MAST4: variants seen among roughly 807,000 people sequenced by gnomAD.
The protein encoded by MAST4 is microtubule associated serine/threonine kinase family member 4, also known as microtubule-associated serine/threonine-protein kinase 4.
MAST4 carries 89 observed loss-of-function variants against 162.7 expected under a neutral mutation model. That is an observed-to-expected ratio of 0.55 (90% CI 0.46 to 0.65). The LOEUF (loss-of-function observed/expected upper bound fraction) is 0.65. Ranked by LOEUF, MAST4 falls within the 30% of genes least tolerant of loss-of-function variation. The pLI, the probability that MAST4 is intolerant of heterozygous loss-of-function variation, is 0.00. For missense variants in MAST4, 3,153 were observed against 3,374.0 expected, an observed-to-expected ratio of 0.93 and a Z score of 1.62; for synonymous variants, 1,479 against 1,361.1, an observed-to-expected ratio of 1.09 and a Z score of -1.91.
chr5:66,997,184 T>C (rs967592150), intron 4 of MAST4, among the ~76,000 whole-genome samples: 7 of 152,060 alleles, frequency 4.6e-5, no homozygotes, highest in Non-Finnish European at 1.0e-4. Context: ...CATGTATATA[T>C]GGACACATAC....
chr5:66,861,877 T>C (rs974589521), intron 3 of MAST4, among the ~76,000 whole-genome samples: 3 of 152,238 alleles, frequency 2.0e-5, no homozygotes, highest in Non-Finnish European at 4.4e-5. Context: ...AGATTAACAC[T>C]GTTCTATTAG....
rs755533285 is a variant in MAST4, at chr5:67,165,672, G to T, written c.6493G>T (p.Ala2165Ser). 1.3e-6 allele frequency: 2 copies of T among 1,593,346 alleles called. No individual in the cohort carries two copies. Among genetic ancestry groups the T allele is most frequent in the East Asian group, 4.6e-5 (2 of 43,490 alleles). Reference sequence around the variant, plus strand: ...CCACGCTTCTGGCAGAGAGCCGGGGGCCAAGCCCAGCACTGCAGAGCCCAG... The same window carrying T: ...CCACGCTTCTGGCAGAGAGCCGGGGTCCAAGCCCAGCACTGCAGAGCCCAG... ...PSHASGREPGAKPSTAEPSSS... is the reference protein window; with the variant it reads ...PSHASGREPGSKPSTAEPSSS... Residue 2165 changes from alanine (A) to serine (S), a missense_variant, in exon 29 of 29, where the codon GCC becomes TCC. Physicochemically the swap from Ala to Ser is moderately conservative, Grantham distance 99. Coordinates refer to ENST00000403625, the MANE Select transcript of MAST4 (RefSeq NM_001164664.2).
At chr5:66,976,322 G>T (rs1262224336) in intron 4 of MAST4, among the ~76,000 whole-genome samples, 1 of 152,202 alleles carries the variant, frequency 6.6e-6, no homozygotes, top group African/African-American at 2.4e-5. Flanking sequence ...GCCCTGCTGT[G>T]AACTGCTCCA....
intron 4 of MAST4, among the ~76,000 whole-genome samples, chr5:66,914,865 C>T (rs1421820345): frequency 2.0e-5 from 3 of 152,156 alleles, no homozygotes; most frequent in Admixed American, 1.3e-4. Context: ...GTCAGGGATA[C>T]TGCTAAACAC....
At chr5:66,621,672 A>G (rs1038976864) in intron 1 of MAST4, among the ~76,000 whole-genome samples, 7 of 152,208 alleles carry the variant, frequency 4.6e-5, no homozygotes, top group African/African-American at 1.7e-4. Flanking sequence ...CAATTTATTC[A>G]TTCCTCCGTC....
Position 67,166,362 on chromosome 5 carries a change from C to T in MAST4, c.7183C>T (p.His2395Tyr). The T allele has an allele frequency of 6.2e-7, 1 of 1,610,998 alleles. No individual in the cohort carries two copies. Among genetic ancestry groups the T allele is most frequent in the South Asian group, 1.1e-5 (1 of 90,380 alleles). Reference sequence around the variant, plus strand: ...GCTCGAGGCCGGCCTTTCCTTTGTGCATAGCGAGAACCGGTTGAAAGGCGC... The same window carrying T: ...GCTCGAGGCCGGCCTTTCCTTTGTGTATAGCGAGAACCGGTTGAAAGGCGC... ...DKLEAGLSFV[H>Y]SENRLKGAER... Residue 2395 changes from histidine to tyrosine, a missense_variant, in exon 29 of 29, where the codon CAT becomes TAT. Physicochemically the swap from His to Tyr is moderately conservative, Grantham distance 83 (BLOSUM62 2). This residue lies in a region of MAST4 where 1,644 missense variants were observed against 1,495.0 expected (regional missense o/e 1.10). Transcript: ENST00000403625.
At chr5:66,780,023 G>A (rs1754782439) in intron 2 of MAST4, among the ~76,000 whole-genome samples, 1 of 152,124 alleles carries the variant, frequency 6.6e-6, no homozygotes, top group African/African-American at 2.4e-5. Context: ...AGGTACAGTG[G>A]TATTGGCCAA....
intron 1 of MAST4, among the ~76,000 whole-genome samples, chr5:66,737,499 G>C (rs1483091341): frequency 6.6e-6 from 1 of 152,164 alleles, no homozygotes; most frequent in Non-Finnish European, 1.5e-5. Flanking sequence ...GAAAAGAGGA[G>C]TACCAAGGAA....
intron 4 of MAST4, among the ~76,000 whole-genome samples, chr5:67,046,850 T>C (rs1757432670): frequency 6.6e-6 from 1 of 152,198 alleles, no homozygotes; most frequent in African/African-American, 2.4e-5. Flanking sequence ...TCATTCCCAT[T>C]ACAATTAATG....
At chr5:66,658,764 G>A (rs991215519) in intron 1 of MAST4, among the ~76,000 whole-genome samples, 8 of 152,284 alleles carry the variant, frequency 5.3e-5, no homozygotes, top group Admixed American at 5.2e-4. Context: ...GCTCACGCTT[G>A]TAATCCCAGC....
intron 2 of MAST4, among the ~76,000 whole-genome samples, chr5:66,773,603 A>G (rs1754454867): frequency 1.3e-5 from 2 of 152,220 alleles, no homozygotes; most frequent in Admixed American, 1.3e-4. Flanking sequence ...TAGGGCCTTT[A>G]AGAGATGATT....
At chr5:67,113,130 G>T (rs530086272) in intron 11 of MAST4, among the ~76,000 whole-genome samples, 1 of 151,990 alleles carries the variant, frequency 6.6e-6, no homozygotes, top group East Asian at 1.9e-4. Flanking sequence ...TGGCTAACTC[G>T]GTGAAACCCT....
At chr5:66,628,015 T>C (rs1430340296) in intron 1 of MAST4, among the ~76,000 whole-genome samples, 1 of 152,150 alleles carries the variant, frequency 6.6e-6, no homozygotes, top group Non-Finnish European at 1.5e-5. Flanking sequence ...TTAAAATTGA[T>C]TTTTAAGTGT....
In MAST4 at chr5:66,789,988, ATTTTTTTTTTTTTTTT is replaced by A. The variant is rs57743987; in HGVS notation, c.642+1209_642+1224del. The stretch of plus-strand genomic sequence containing the variant: ...CTTTATGTTTAACATGCTTATTAGA[ATTTTTTTTTTTTTTTT>A]TTTTTTTTTTTTTTGCTGGTGGGCC... On this transcript the variant is annotated intron_variant, in intron 3 of 28. Transcript: ENST00000403625. Among the ~76,000 whole-genome samples, 18 of 52,474 alleles carry A rather than the reference ATTTTTTTTTTTTTTTT, an allele frequency of 3.4e-4. No individual in the cohort carries two copies. The East Asian group carries it at 6.4e-3, about 19-fold the overall frequency. The allele number at this position is 52,474 out of a possible 152,430, so 34.4% of individuals were successfully genotyped here.
At position 67,090,102 on chromosome 5, in the gene MAST4, T is replaced by C. The variant is rs75626107; in HGVS notation, c.764-60T>C. 8,376 of 1,133,444 alleles carry C rather than the reference T, an allele frequency of 7.4e-3. 94 individuals carry two copies. The highest frequency in any genetic ancestry group is 0.042 in the African/African-American group (2,773 of 65,338). The allele number at this position is 1,133,444 out of a possible 1,614,324, so 70.2% of individuals were successfully genotyped here. On this transcript the variant is annotated intron_variant, in intron 5 of 28. Transcript: ENST00000403625. ...AAACTTATTTCTAAGGAGAGAATTA[T>C]TGATGTGGAAATGATACACAAAATC...
At chr5:66,860,159 T>C (rs997366094) in intron 3 of MAST4, among the ~76,000 whole-genome samples, 1 of 152,210 alleles carries the variant, frequency 6.6e-6, no homozygotes. Context: ...CTCAGACACA[T>C]TTTTAAACCT....
intron 1 of MAST4, among the ~76,000 whole-genome samples, chr5:66,651,242 A>C (rs1746197985): frequency 6.6e-6 from 1 of 151,914 alleles, no homozygotes; most frequent in Admixed American, 6.6e-5. Flanking sequence ...GGAAAGATTT[A>C]GGGGTAAAAA....
chr5:66,850,182 C>A (rs1759200506), intron 3 of MAST4, among the ~76,000 whole-genome samples: 2 of 152,190 alleles, frequency 1.3e-5, no homozygotes, highest in South Asian at 4.1e-4. Context: ...GCCTCAACAG[C>A]TGAAGCCCGA....
chr5:66,771,100 A>G (rs1754335648), intron 2 of MAST4, among the ~76,000 whole-genome samples: 1 of 152,200 alleles, frequency 6.6e-6, no homozygotes, highest in South Asian at 2.1e-4. Flanking sequence ...TGCACCAGAG[A>G]GGAGGATGTC....
Sources: gnomAD v4.1 joint callset for allele counts (sites outside exome capture counted in the v4.1 genomes callset) on GRCh38, gnomAD v4.1.1 for gene constraint, gnomAD v4.1.1 regional missense constraint, MANE v1.5 for transcripts, NCBI Gene and HGNC (gene_info 2026-07-23, HGNC 2026-07-21) for gene names.